Variants in LRRC40 observed in about 807,000 individuals in gnomAD.
LRRC40 encodes leucine rich repeat containing 40.
In LRRC40, 76 loss-of-function variants were observed where a neutral mutation model predicts 72.8. That is an observed-to-expected ratio of 1.04 (90% confidence interval 0.87 to 1.26). LRRC40 has a LOEUF of 1.26. Among genes scored for constraint, LRRC40 ranks in the 50% most tolerant of loss-of-function variants. The probability of loss-of-function intolerance (pLI) is 0.00; values close to 1 mark genes in which losing one functional copy is unlikely to be tolerated. For synonymous variants in LRRC40, 243 were observed against 254.2 expected (o/e 0.96, Z 0.42); for missense variants, 684 against 698.9 (o/e 0.98, Z 0.24).
chr1:70,177,200 C>T lies in LRRC40; in HGVS notation c.805-1218G>A, dbSNP rs190800666. On this transcript the variant is annotated intron_variant, in intron 6 of 14. Transcript: ENST00000370952. ...CTGAGGCAGGAGAATCACTTGAACT[C>T]GTGAGGCGGAGGTTGCAGTGAGCTG... Among the ~76,000 whole-genome samples, 36 of 152,160 alleles carry T rather than the reference C, an allele frequency of 2.4e-4. 1 individual carries two copies. In the East Asian group the frequency reaches 6.0e-3, roughly 25 times the overall value.
chr1:70,185,604 CATACT>C (rs1405160253), intron 3 of LRRC40, among the ~76,000 whole-genome samples: 1 of 152,172 alleles, frequency 6.6e-6, no homozygotes, highest in African/African-American at 2.4e-5. Context: ...CGGACTAATA[CATACT>C]ATAACTGACT....
intron 9 of LRRC40, among the ~76,000 whole-genome samples, chr1:70,162,606 A>C (rs1667789528): frequency 6.6e-6 from 1 of 152,220 alleles, no homozygotes; most frequent in South Asian, 2.1e-4. Flanking sequence ...TTGATAATAC[A>C]TAACCAGTAG....
Position 70,190,424 on chromosome 1 carries a change from T to C in LRRC40, c.152-1151A>G, listed in dbSNP as rs118141904. ...AGCCAGTTGTAGTGCCTCAGGGCTA[T>C]AATCCCTGCACTTTGGGAGGCTAAG... On this transcript the variant is annotated intron_variant, in intron 1 of 14. Transcript: ENST00000370952. Among the ~76,000 whole-genome samples the C allele has an allele frequency of 2.2e-3, 327 of 152,004 alleles. 5 individuals carry two copies. The East Asian group carries it at 0.023, about 11-fold the overall frequency.
chr1:70,205,505 G>T lies in LRRC40; in HGVS notation c.36C>A (p.Leu12=). Residue 12 remains leucine, a synonymous_variant, in exon 1 of 15, where the codon CTC becomes CTA. Transcript: ENST00000370952. The part of the protein sequence containing the change: ...SRLKRIAGQD[L]RAGFKAGGRD... ...TTCCACCTGCTTTGAAACCAGCGCG[G>T]AGATCCTGCCCCGCTATCCGCTTCA... 6.2e-7 allele frequency: 1 copy of T among 1,603,928 alleles called. No homozygotes were observed. The highest frequency in any genetic ancestry group is 8.5e-7 in the Non-Finnish European group (1 of 1,171,970).
Position 70,186,600 on chromosome 1 carries a change from C to T in LRRC40, c.407+665G>A, listed in dbSNP as rs567971540. Among the ~76,000 whole-genome samples, 7 of 152,304 alleles carry T rather than the reference C, an allele frequency of 4.6e-5. No homozygotes were observed. In the East Asian group the frequency reaches 1.2e-3, roughly 25 times the overall value. On this transcript the variant is annotated intron_variant, in intron 3 of 14. Transcript: ENST00000370952. ...ATAAGCCACAGTTTTTCAAACTATG[C>T]TTTAAGTTCCTGAACCATTTTTTTC...
At chr1:70,152,658 T>C (rs1395767943) in intron 11 of LRRC40, 115 bp from the exon 12 acceptor site, 1 of 655,904 alleles carries the variant, frequency 1.5e-6, no homozygotes, top group East Asian at 2.8e-5. Context: ...ATTATGACTT[T>C]TTGTACCTTT....
chr1:70,155,010 T>C (rs1667606854), intron 11 of LRRC40, among the ~76,000 whole-genome samples: 1 of 152,178 alleles, frequency 6.6e-6, no homozygotes, highest in African/African-American at 2.4e-5. Flanking sequence ...TGGGTTGTTT[T>C]AATTGCTAGA....
intron 9 of LRRC40, among the ~76,000 whole-genome samples, chr1:70,169,512 A>G (rs1442229437): frequency 6.6e-6 from 1 of 152,186 alleles, no homozygotes; most frequent in Non-Finnish European, 1.5e-5. Context: ...CTAAACGCTC[A>G]TCCTTTGGAA....
Position 70,159,327 on chromosome 1 carries a change from T to C in LRRC40, c.1220+3A>G, listed in dbSNP as rs758449924. On this transcript the variant is annotated splice_donor_region_variant and intron_variant, in intron 10 of 14. Transcript: ENST00000370952. ...AAAATAAAAATAATAATAAATTACA[T>C]ACCTATAGTCTAATATTTTTAATGT... 8.0e-7 allele frequency: 1 copy of C among 1,252,482 alleles called. No individual in the cohort carries two copies. Among genetic ancestry groups the C allele is most frequent in the South Asian group, 1.4e-5 (1 of 69,746 alleles). The allele number at this position is 1,252,482 out of a possible 1,614,324, so 77.6% of individuals were successfully genotyped here.
chr1:70,199,933 C>T (rs564180359), intron 1 of LRRC40, among the ~76,000 whole-genome samples: 1 of 152,230 alleles, frequency 6.6e-6, no homozygotes, highest in Non-Finnish European at 1.5e-5. Context: ...TCAAGACTTA[C>T]TCTACCCAAA....
chr1:70,186,339 C>A (rs1269505748), intron 3 of LRRC40, among the ~76,000 whole-genome samples: 4 of 152,196 alleles, frequency 2.6e-5, no homozygotes, highest in African/African-American at 7.2e-5. Context: ...CCACTCTTGT[C>A]TTTACAGGCC....
At chr1:70,198,790 G>A (rs949937399) in intron 1 of LRRC40, among the ~76,000 whole-genome samples, 3 of 152,076 alleles carry the variant, frequency 2.0e-5, no homozygotes, top group African/African-American at 7.2e-5. Flanking sequence ...GATTTTTCAA[G>A]TGACAAGGAA....
chr1:70,179,016 A>T (rs1290811814), intron 5 of LRRC40, 23 bp from the exon 6 acceptor site: 1 of 1,441,002 alleles, frequency 6.9e-7, no homozygotes. Flanking sequence ...TTCAGTAAAA[A>T]ACAAAAATAG....
At chr1:70,199,541 C>G (rs965091521) in intron 1 of LRRC40, among the ~76,000 whole-genome samples, 18 of 152,290 alleles carry the variant, frequency 1.2e-4, no homozygotes, top group African/African-American at 4.1e-4. Context: ...TTTCCTCCTC[C>G]TCCTCAGCCT....
Position 70,159,429 on chromosome 1 carries a change from G to C in LRRC40, c.1121C>G (p.Pro374Arg), listed in dbSNP as rs369105183. 55 of 1,567,078 alleles carry C rather than the reference G, an allele frequency of 3.5e-5. No homozygotes were observed. The African/African-American group carries it at 7.2e-4, about 20-fold the overall frequency. The change falls in exon 10 of 15, where the codon CCT becomes CGT. Residue 374 changes from proline to arginine, a missense_variant. Transcript: ENST00000370952. ...CTCAGTAGCAGACTCACTTTGGCTAGGTCCATCATCTGGCAAAAGAAAACT... is the reference window on the plus strand; with the variant it reads ...CTCAGTAGCAGACTCACTTTGGCTACGTCCATCATCTGGCAAAAGAAAACT... ...YLRSKIKDDGPSQSESATETA... is the reference protein window; with the variant it reads ...YLRSKIKDDGRSQSESATETA...
intron 1 of LRRC40, among the ~76,000 whole-genome samples, chr1:70,204,950 C>T (rs1668884470): frequency 6.6e-6 from 1 of 152,152 alleles, no homozygotes; most frequent in Non-Finnish European, 1.5e-5. Flanking sequence ...AGAAGAGCGT[C>T]TCGGCAGGGA....
At chr1:70,171,396 GAA>G (rs1232314759) in intron 9 of LRRC40, among the ~76,000 whole-genome samples, 1 of 149,464 alleles carries the variant, frequency 6.7e-6, no homozygotes, top group Non-Finnish European at 1.5e-5. Flanking sequence ...TCAAGAAAAT[GAA>G]AAGACAACCC....
intron 12 of LRRC40, chr1:70,151,829 C>T (rs1667501290): frequency 6.6e-6 from 1 of 151,302 alleles, no homozygotes; most frequent in Admixed American, 6.6e-5. Flanking sequence ...GAAAAGTTAA[C>T]AAAAAGGTAA....
rs147988972 is a variant in LRRC40, at chr1:70,168,537, A to G, written c.1111+4928T>C. ...AAAAACAGTTCCTAATCTCTTCCCA[A>G]GGGAACTGACTTCACTCACAACAAA... On this transcript the variant is annotated intron_variant, in intron 9 of 14. Coordinates refer to ENST00000370952, the MANE Select transcript of LRRC40 (RefSeq NM_017768.5). Among the ~76,000 whole-genome samples, 597 of 152,314 alleles carry G rather than the reference A, an allele frequency of 3.9e-3. 4 individuals carry two copies. Among genetic ancestry groups the G allele is most frequent in the African/African-American group, 0.013 (555 of 41,562 alleles).
Sources: gnomAD v4.1 joint callset for allele counts (sites outside exome capture counted in the v4.1 genomes callset) on GRCh38, gnomAD v4.1.1 for gene constraint, MANE v1.5 for transcripts, NCBI Gene and HGNC (gene_info 2026-07-23, HGNC 2026-07-21) for gene names.